The following ARID1B variants were observed in gnomAD, a reference collection of about 807,000 sequenced individuals.
ARID1B encodes the protein AT-rich interactive domain-containing protein 1B.
In ARID1B, 30 loss-of-function variants were observed where a neutral mutation model predicts 212.3. The ratio of observed to expected loss-of-function variants is 0.14; its 90% CI spans 0.11 to 0.19. The LOEUF (loss-of-function observed/expected upper bound fraction) is 0.19, where lower values mean the gene tolerates loss of function less well. Ranked by LOEUF, ARID1B falls within the 10% of genes least tolerant of loss-of-function variation. ARID1B has a pLI of 1.00. For synonymous variants in ARID1B, 1,402 were observed against 1,301.7 expected (o/e 1.08, Z -1.66); for missense variants, 2,891 against 3,204.0 (o/e 0.90, Z 2.36).
intron 4 of ARID1B, among the ~76,000 whole-genome samples, chr6:156,959,209 T>C (rs747470276): frequency 1.9e-3 from 283 of 152,298 alleles, no homozygotes; most frequent in Non-Finnish European, 2.7e-3. Context: ...TGTACAGTCC[T>C]CAGTATCCAC....
chr6:157,079,384 T>C (rs1269694769), intron 4 of ARID1B, among the ~76,000 whole-genome samples: 2 of 152,200 alleles, frequency 1.3e-5, no homozygotes, highest in East Asian at 3.9e-4. Flanking sequence ...TCATGGAAAT[T>C]AAACAGTCAC....
intron 1 of ARID1B, among the ~76,000 whole-genome samples, chr6:156,801,235 C>T (rs1780763857): frequency 7.5e-6 from 1 of 133,254 alleles, no homozygotes; most frequent in South Asian, 2.3e-4. Flanking sequence ...GAGTCTCGCT[C>T]TGTTGCCCAC....
At position 157,204,013 on chromosome 6, in the gene ARID1B, C is replaced by G; in HGVS notation, c.5394+17C>G. ...CTCTCCCAGGTAAGCCAGCATAGTC[C>G]AACTAACAACCAAATTAGGATAGGA... On this transcript the variant is annotated intron_variant, in intron 19 of 19. Coordinates refer to ENST00000636930, the MANE Select transcript of ARID1B (RefSeq NM_001374828.1). 1.2e-6 allele frequency: 2 copies of G among 1,613,624 alleles called. No homozygotes were observed. Among genetic ancestry groups the G allele is most frequent in the Non-Finnish European group, 1.7e-6 (2 of 1,179,714 alleles).
chr6:156,794,818 T>A (rs1780248012), intron 1 of ARID1B, among the ~76,000 whole-genome samples: 2 of 152,076 alleles, frequency 1.3e-5, no homozygotes, highest in Admixed American at 6.5e-5. Flanking sequence ...TGAGCTCAAG[T>A]GATCCACTCA....
At chr6:157,114,231 C>T (rs962590135) in intron 6 of ARID1B, among the ~76,000 whole-genome samples, 3 of 151,888 alleles carry the variant, frequency 2.0e-5, no homozygotes, top group South Asian at 2.1e-4. Flanking sequence ...TTTTTTAAAA[C>T]GAGTATATCA....
At chr6:156,819,984 T>A (rs1440829894) in intron 1 of ARID1B, among the ~76,000 whole-genome samples, 1 of 152,116 alleles carries the variant, frequency 6.6e-6, no homozygotes, top group Non-Finnish European at 1.5e-5. Context: ...AGGAGCTGGC[T>A]GTGGTGGAGA....
intron 1 of ARID1B, among the ~76,000 whole-genome samples, chr6:156,817,499 A>C (rs1403261516): frequency 1.3e-5 from 2 of 151,672 alleles, no homozygotes; most frequent in Non-Finnish European, 2.9e-5. Flanking sequence ...GTGTAGTAGC[A>C]CACGCTTGTG....
At chr6:156,868,430 A>G (rs548858816) in intron 2 of ARID1B, among the ~76,000 whole-genome samples, 12 of 152,382 alleles carry the variant, frequency 7.9e-5, no homozygotes, top group South Asian at 6.2e-4. Context: ...CAAAAATACC[A>G]TAAACTGGGT....
chr6:157,162,760 C>T lies in ARID1B; in HGVS notation c.3090-4280C>T, dbSNP rs759586572. ...GTGGTCTAACCCTGGCCCAGGCGAG[C>T]GCAGTGTCGGCATCCTGGGGTCTGG... On this transcript the variant is annotated intron_variant, in intron 8 of 19. Transcript: ENST00000636930. Among the ~76,000 whole-genome samples the T allele has an allele frequency of 2.0e-5, 3 of 152,170 alleles. No homozygotes were observed. In the East Asian group the frequency reaches 5.8e-4, roughly 29 times the overall value.
chr6:157,021,836 C>T (rs1196190503), intron 4 of ARID1B, among the ~76,000 whole-genome samples: 1 of 152,112 alleles, frequency 6.6e-6, no homozygotes, highest in Non-Finnish European at 1.5e-5. Flanking sequence ...CCGGCGCGGC[C>T]AGACTCACGC....
At chr6:156,806,234 C>A (rs1258982557) in intron 1 of ARID1B, among the ~76,000 whole-genome samples, 2 of 152,176 alleles carry the variant, frequency 1.3e-5, no homozygotes, top group African/African-American at 4.8e-5. Context: ...GCACATTCAA[C>A]AAACTTTTAA....
rs773631262 is a variant in ARID1B at position 157,167,050 on chromosome 6, T to G, written c.3100T>G (p.Phe1034Val). The G allele has an allele frequency of 6.2e-7, 1 of 1,611,596 alleles. No individual in the cohort carries two copies. The highest frequency in any genetic ancestry group is 8.5e-7 in the Non-Finnish European group (1 of 1,179,996). The change falls in exon 9 of 20, where the codon TTC becomes GTC. Residue 1034 changes from phenylalanine to valine, a missense_variant. Physicochemically the swap from Phe to Val is conservative, Grantham distance 50. Transcript: ENST00000636930. Reference protein sequence around the residue: ...ANSAQSRQGSFPGMNQSGLMA... With the variant: ...ANSAQSRQGSVPGMNQSGLMA... The stretch of plus-strand genomic sequence containing the variant: ...TTTCTCTTCCTGTAGGCAAGGCAGT[T>G]TCCCCGGCATGAACCAGAGTGGACT...
At chr6:156,813,304 G>C (rs1781744414) in intron 1 of ARID1B, among the ~76,000 whole-genome samples, 1 of 150,588 alleles carries the variant, frequency 6.6e-6, no homozygotes, top group Non-Finnish European at 1.5e-5. Context: ...AGTAGAGATG[G>C]GGCTTCACCA....
chr6:157,183,917 C>T (rs533403698), intron 12 of ARID1B, among the ~76,000 whole-genome samples: 1 of 152,286 alleles, frequency 6.6e-6, no homozygotes, highest in South Asian at 2.1e-4. Context: ...AAAATAGTGC[C>T]GTTGTTGCTT....
Position 157,012,274 on chromosome 6 carries a change from A to C in ARID1B, c.2248-72388A>C, listed in dbSNP as rs553019997. ...CCAAACAAACATGATATAACGTAAT[A>C]ATTGTGTTTAATTTGTGGAATTAAA... is the stretch of plus-strand genomic sequence containing the variant. On this transcript the variant is annotated intron_variant, in intron 4 of 19. Transcript: ENST00000636930. 3.9e-5 allele frequency among the ~76,000 whole-genome samples: 6 copies of C among 152,348 alleles called. No homozygotes were observed. The South Asian group carries it at 1.2e-3, about 32-fold the overall frequency.
At position 157,192,673 on chromosome 6, in the gene ARID1B, G is replaced by A. The variant is rs139433447; in HGVS notation, c.4231+2463G>A. Among the ~76,000 whole-genome samples the A allele has an allele frequency of 6.6e-3, 1,002 of 152,268 alleles. 15 individuals are homozygous for A. The highest frequency in any genetic ancestry group is 0.023 in the African/African-American group (951 of 41,534). On this transcript the variant is annotated intron_variant, in intron 15 of 19. Transcript: ENST00000636930. ...TACTTTGGTGACTGTCTGTAATGTT[G>A]TTTTCATCAACCATGTAAATGATCC...
intron 4 of ARID1B, among the ~76,000 whole-genome samples, chr6:156,978,024 C>T (rs185907492): frequency 4.3e-4 from 66 of 152,286 alleles, no homozygotes; most frequent in South Asian, 1.4e-3. Context: ...TTCTTCTAAT[C>T]CTTTTGGGTG....
intron 4 of ARID1B, among the ~76,000 whole-genome samples, chr6:157,068,062 G>A (rs1783790135): frequency 6.6e-6 from 1 of 152,180 alleles, no homozygotes; most frequent in Admixed American, 6.5e-5. Flanking sequence ...GATCACAGAT[G>A]GTTTACTTCA....
rs562041782 is a variant in ARID1B at position 157,064,880 on chromosome 6, C to T, written c.2248-19782C>T. ...TTGATTACTACTCCCTTTCCTTCCT[C>T]TTCAGGACAAATAAGCAGTAGAGGA... is the stretch of plus-strand genomic sequence containing the variant. On this transcript the variant is annotated intron_variant, in intron 4 of 19. Coordinates refer to ENST00000636930, the MANE Select transcript of ARID1B (RefSeq NM_001374828.1). Among the ~76,000 whole-genome samples, 30 of 152,292 alleles carry T rather than the reference C, an allele frequency of 2.0e-4. No homozygotes were observed. In the East Asian group the frequency reaches 3.5e-3, roughly 18 times the overall value.
Sources: allele counts gnomAD v4.1 joint callset (sites outside exome capture counted in the v4.1 genomes callset), GRCh38; gene constraint gnomAD v4.1.1; transcripts MANE v1.5; gene names NCBI Gene and HGNC (gene_info 2026-07-23, HGNC 2026-07-21).